Variants in PDE7B observed in about 807,000 individuals in gnomAD.
PDE7B encodes 3',5'-cyclic-AMP phosphodiesterase 7B.
Under a neutral mutation model 56.2 loss-of-function variants are expected in PDE7B, and 29 were observed. The observed-to-expected ratio is 0.52, with a 90% CI of 0.38 to 0.70. The LOEUF (loss-of-function observed/expected upper bound fraction) is 0.70. Ranked by LOEUF, PDE7B falls within the 30% of genes least tolerant of loss-of-function variation. PDE7B has a pLI of 0.00. For synonymous variants in PDE7B, 197 were observed against 196.9 expected (o/e 1.00, Z 0.00); for missense variants, 490 against 565.0 (o/e 0.87, Z 1.35).
At chr6:136,132,109 G>A (rs1265965444) in intron 3 of PDE7B, among the ~76,000 whole-genome samples, 2 of 152,036 alleles carry the variant, frequency 1.3e-5, no homozygotes, top group Admixed American at 6.6e-5. Flanking sequence ...CTTGTTAACT[G>A]TAAGTACAAT....
intron 2 of PDE7B, among the ~76,000 whole-genome samples, chr6:135,957,442 C>G (rs1485300244): frequency 1.3e-5 from 2 of 152,160 alleles, no homozygotes; most frequent in Non-Finnish European, 2.9e-5. Context: ...TCTTAACACT[C>G]ATTTCAAAAG....
rs141608289 is a variant in PDE7B, at chr6:135,879,475, G to C, written c.21+27456G>C. Among the ~76,000 whole-genome samples, 612 of 152,040 alleles carry C rather than the reference G, an allele frequency of 4.0e-3. 4 individuals are homozygous for C. Among genetic ancestry groups the C allele is most frequent in the South Asian group, 0.022 (105 of 4,814 alleles). On this transcript the variant is annotated intron_variant, in intron 1 of 12. Coordinates refer to ENST00000308191, the MANE Select transcript of PDE7B (RefSeq NM_018945.4). ...TTTATATACTGATACTGTAAGACTG[G>C]CAAAAACAGTGCCACTTCATTAGCC...
At chr6:135,920,499 C>T (rs1418828911) in intron 1 of PDE7B, among the ~76,000 whole-genome samples, 4 of 152,110 alleles carry the variant, frequency 2.6e-5, no homozygotes, top group Non-Finnish European at 5.9e-5. Context: ...CCATTTGCAG[C>T]TCCACCTCCT....
intron 3 of PDE7B, among the ~76,000 whole-genome samples, chr6:136,136,182 G>A (rs1778209273): frequency 6.6e-6 from 1 of 151,990 alleles, no homozygotes; most frequent in Non-Finnish European, 1.5e-5. Flanking sequence ...TTCTGCTTCA[G>A]GACACTGTCA....
chr6:136,139,559 T>G (rs1032400270), intron 3 of PDE7B, among the ~76,000 whole-genome samples: 6 of 152,276 alleles, frequency 3.9e-5, no homozygotes, highest in East Asian at 3.9e-4. Context: ...ACTTCCACAA[T>G]GGTTGAACTA....
intron 2 of PDE7B, among the ~76,000 whole-genome samples, chr6:136,062,052 A>G (rs2128212732): frequency 6.6e-6 from 1 of 152,304 alleles, no homozygotes; most frequent in South Asian, 2.1e-4. Flanking sequence ...GAGCCGAGCA[A>G]AGCTCTGTGG....
chr6:136,037,369 G>C, intron 2 of PDE7B: 1 of 957,670 alleles, frequency 1.0e-6, no homozygotes, highest in Non-Finnish European at 1.2e-6. Context: ...CCAGCTGAAG[G>C]GCAGCTGAGG....
At chr6:135,932,349 T>C (rs1035781381) in intron 1 of PDE7B, among the ~76,000 whole-genome samples, 2 of 152,148 alleles carry the variant, frequency 1.3e-5, no homozygotes, top group African/African-American at 4.8e-5. Flanking sequence ...CTTGAGGGGA[T>C]GAATACCCCT....
chr6:135,866,778 G>A lies in PDE7B; in HGVS notation c.21+14759G>A, dbSNP rs144248843. On this transcript the variant is annotated intron_variant, in intron 1 of 12. Coordinates refer to ENST00000308191, the MANE Select transcript of PDE7B (RefSeq NM_018945.4). Reference sequence around the variant, plus strand: ...TCAGAATGAAAATGATAGTGCATACGTGTCGTAAACACATAAAAGATTATT... The same window carrying A: ...TCAGAATGAAAATGATAGTGCATACATGTCGTAAACACATAAAAGATTATT... Among the ~76,000 whole-genome samples, 369 of 152,242 alleles carry A rather than the reference G, an allele frequency of 2.4e-3. 1 individual carries two copies. Among genetic ancestry groups the A allele is most frequent in the African/African-American group, 7.8e-3 (326 of 41,548 alleles).
At chr6:136,151,779 CA>C (rs148877609) in intron 6 of PDE7B, among the ~76,000 whole-genome samples, 3 of 113,460 alleles carry the variant, frequency 2.6e-5, no homozygotes, top group East Asian at 2.7e-4. Flanking sequence ...ACTAAAAATA[CA>C]AAAAAAAAAT....
At chr6:135,975,850 A>T (rs1775177668) in intron 2 of PDE7B, among the ~76,000 whole-genome samples, 1 of 152,196 alleles carries the variant, frequency 6.6e-6, no homozygotes, top group African/African-American at 2.4e-5. Flanking sequence ...ACAGTTGGTA[A>T]ATTAACGTGG....
chr6:135,929,044 T>C (rs962964470), intron 1 of PDE7B, among the ~76,000 whole-genome samples: 2 of 152,196 alleles, frequency 1.3e-5, no homozygotes, highest in African/African-American at 4.8e-5. Context: ...TTATACCTAA[T>C]AACACTCAAT....
intron 2 of PDE7B, among the ~76,000 whole-genome samples, chr6:136,040,737 A>G (rs1257178025): frequency 6.6e-6 from 1 of 152,042 alleles, no homozygotes; most frequent in Non-Finnish European, 1.5e-5. Context: ...AGTCTCCTCA[A>G]TTTATACTTT....
rs912425745 is a variant in PDE7B at position 136,085,723 on chromosome 6, C to T, written c.83-23008C>T. On this transcript the variant is annotated intron_variant, in intron 2 of 12. Transcript: ENST00000308191. ...AATACTGAAAAGTGCAAGGAATTTA[C>T]GAAGCTCTCACCCATTGTCCAGGAC... is the stretch of plus-strand genomic sequence containing the variant. Among the ~76,000 whole-genome samples the T allele has an allele frequency of 3.9e-5, 6 of 152,170 alleles. 1 individual carries two copies. The highest frequency in any genetic ancestry group is 4.1e-4 in the South Asian group (2 of 4,832).
intron 1 of PDE7B, among the ~76,000 whole-genome samples, chr6:135,926,346 C>T (rs375047567): frequency 6.6e-6 from 1 of 152,116 alleles, no homozygotes; most frequent in Admixed American, 6.5e-5. Flanking sequence ...CTTGGCCTCC[C>T]AAAGTGCTGG....
intron 11 of PDE7B, among the ~76,000 whole-genome samples, chr6:136,183,368 C>T (rs546362504): frequency 3.2e-4 from 48 of 151,772 alleles, no homozygotes; most frequent in African/African-American, 1.0e-3. Context: ...CCAAGGCGGG[C>T]GGATCATGAG....
intron 1 of PDE7B, among the ~76,000 whole-genome samples, chr6:135,945,376 C>T (rs1384945196): frequency 6.6e-6 from 1 of 152,168 alleles, no homozygotes; most frequent in Non-Finnish European, 1.5e-5. Flanking sequence ...GAACTCAATG[C>T]TCTTTTGCAC....
In PDE7B at chr6:136,151,132, G is replaced by A. The variant is rs767547904; in HGVS notation, c.383-28G>A. The A allele has an allele frequency of 3.2e-6, 4 of 1,231,820 alleles. No individual in the cohort carries two copies. The Admixed American group carries it at 5.1e-5, about 16-fold the overall frequency. The allele number at this position is 1,231,820 out of a possible 1,614,324, so 76.3% of individuals were successfully genotyped here. A position where few individuals can be genotyped will look rare whatever the true frequency, so the allele number is the denominator to read the frequency against. ...GATATTTTAGTGGTGATCAAAATTA[G>A]TTAAAGGAAGTGACTGTTTTCCTGC... On this transcript the variant is annotated intron_variant, in intron 5 of 12. Coordinates refer to ENST00000308191, the MANE Select transcript of PDE7B (RefSeq NM_018945.4).
In PDE7B at chr6:136,193,169, C is replaced by A. The variant is rs1779257108; in HGVS notation, c.*1329C>A. 6.6e-6 allele frequency: 1 copy of A among 152,630 alleles called. No homozygotes were observed. The allele number at this position is 152,630 out of a possible 1,614,324, so 9.5% of individuals were successfully genotyped here. A position where few individuals can be genotyped will look rare whatever the true frequency, so the allele number is the denominator to read the frequency against. Reference sequence around the variant, plus strand: ...CAGGAGACATAGCAGGTCTCAGAAACCTTCTATGACCCTGTCATCTAACCA... The same window carrying A: ...CAGGAGACATAGCAGGTCTCAGAAAACTTCTATGACCCTGTCATCTAACCA... On this transcript the variant is annotated 3_prime_UTR_variant, in exon 13 of 13. Coordinates refer to ENST00000308191, the MANE Select transcript of PDE7B (RefSeq NM_018945.4).
Sources: gnomAD v4.1 joint callset for allele counts (sites outside exome capture counted in the v4.1 genomes callset) on GRCh38, gnomAD v4.1.1 for gene constraint, MANE v1.5 for transcripts, NCBI Gene and HGNC (gene_info 2026-07-23, HGNC 2026-07-21) for gene names.